Variants in AHCYL2 observed in about 807,000 individuals in gnomAD.
The protein encoded by AHCYL2 is S-adenosylhomocysteine hydrolase-like protein 2.
AHCYL2 carries 28 observed loss-of-function variants against 81.4 expected under a neutral mutation model. The ratio of observed to expected loss-of-function variants is 0.34; its 90% CI spans 0.25 to 0.47. The LOEUF is 0.47. Among genes scored for constraint, AHCYL2 ranks in the 20% least tolerant of loss-of-function variants. The pLI, the probability that AHCYL2 is intolerant of heterozygous loss-of-function variation, is 1.00. For missense variants in AHCYL2, 551 were observed against 785.1 expected (o/e 0.70, Z 3.56); for synonymous variants, 272 against 290.2 (o/e 0.94, Z 0.64).
chr7:129,397,448 G>A (rs1795799204), intron 5 of AHCYL2, 124 bp downstream of exon 5: 11 of 951,902 alleles, frequency 1.2e-5, no homozygotes, highest in Middle Eastern at 3.1e-4. Context: ...AATGGATCTC[G>A]ATTCTTCATG....
chr7:129,322,420 G>C (rs1041291479), intron 1 of AHCYL2, among the ~76,000 whole-genome samples: 4 of 152,078 alleles, frequency 2.6e-5, no homozygotes, highest in South Asian at 2.1e-4. Context: ...GATTACAGGC[G>C]CACTGCGCCC....
intron 1 of AHCYL2, among the ~76,000 whole-genome samples, chr7:129,231,173 G>C (rs2150675199): frequency 6.6e-6 from 1 of 152,100 alleles, no homozygotes; most frequent in African/African-American, 2.4e-5. Context: ...GCGGGAAGTG[G>C]AGGTTGCAGT....
chr7:129,397,835 C>G (rs1795818978), intron 5 of AHCYL2, among the ~76,000 whole-genome samples: 1 of 152,192 alleles, frequency 6.6e-6, no homozygotes, highest in Non-Finnish European at 1.5e-5. Context: ...AGCCTCTTGC[C>G]TTTACTCTTT....
intron 1 of AHCYL2, among the ~76,000 whole-genome samples, chr7:129,334,335 C>T (rs966097042): frequency 1.3e-5 from 2 of 152,028 alleles, no homozygotes; most frequent in Non-Finnish European, 2.9e-5. Flanking sequence ...TCTTTGCTGC[C>T]GTCTATGTAT....
In AHCYL2 at chr7:129,296,056, C is replaced by T. The variant is rs959699388; in HGVS notation, c.363+70617C>T. Among the ~76,000 whole-genome samples, 30 of 152,180 alleles carry T rather than the reference C, an allele frequency of 2.0e-4. 1 individual carries two copies. The highest frequency in any genetic ancestry group is 1.2e-4 in the Non-Finnish European group (8 of 68,024). ...AGTACTGTAGACAGCCACTTGCCTT[C>T]GCTGCTTCAATCCCCATTCCAGTAT... On this transcript the variant is annotated intron_variant, in intron 1 of 16. Coordinates refer to ENST00000325006, the MANE Select transcript of AHCYL2 (RefSeq NM_015328.4).
chr7:129,363,532 A>G (rs1160099262), intron 1 of AHCYL2, among the ~76,000 whole-genome samples: 1 of 152,178 alleles, frequency 6.6e-6, no homozygotes, highest in East Asian at 1.9e-4. Context: ...TTAGCCTGCC[A>G]AAGTGATATA....
intron 1 of AHCYL2, among the ~76,000 whole-genome samples, chr7:129,373,002 G>C (rs1210948996): frequency 6.6e-6 from 1 of 152,076 alleles, no homozygotes; most frequent in Non-Finnish European, 1.5e-5. Context: ...TTAGAGCAGT[G>C]GTTTCCAAAG....
intron 1 of AHCYL2, among the ~76,000 whole-genome samples, chr7:129,325,578 A>C (rs1292114596): frequency 6.6e-6 from 1 of 152,144 alleles, no homozygotes; most frequent in Non-Finnish European, 1.5e-5. Flanking sequence ...CATGAAATTT[A>C]GAAAACTTTC....
At chr7:129,268,641 T>C (rs763675829) in intron 1 of AHCYL2, among the ~76,000 whole-genome samples, 1 of 152,232 alleles carries the variant, frequency 6.6e-6, no homozygotes, top group Non-Finnish European at 1.5e-5. Context: ...CGTGAGCCAC[T>C]GCACCTGGCC....
intron 1 of AHCYL2, among the ~76,000 whole-genome samples, chr7:129,334,726 A>G (rs1322706247): frequency 6.6e-6 from 1 of 152,152 alleles, no homozygotes; most frequent in Non-Finnish European, 1.5e-5. Context: ...GGTAGAGACA[A>G]GCAGAATTGA....
chr7:129,400,454 G>A (rs1795978814), intron 6 of AHCYL2, 70 bp downstream of exon 6: 1 of 1,418,864 alleles, frequency 7.0e-7, no homozygotes, highest in Non-Finnish European at 9.8e-7. Flanking sequence ...TTATGGCCTA[G>A]GAGAGGGTTT....
chr7:129,385,323 G>A (rs1795151806), intron 2 of AHCYL2, among the ~76,000 whole-genome samples: 1 of 152,158 alleles, frequency 6.6e-6, no homozygotes, highest in South Asian at 2.1e-4. Context: ...GGCCCAAGAG[G>A]AATTGCCTGA....
chr7:129,401,348 C>A (rs376362171), intron 6 of AHCYL2, among the ~76,000 whole-genome samples: 7 of 141,078 alleles, frequency 5.0e-5, no homozygotes, highest in Non-Finnish European at 9.6e-5. Flanking sequence ...TGCCCCCCCC[C>A]AAAAAAGCTA....
chr7:129,285,696 CTTTT>C (rs71526096), intron 1 of AHCYL2, among the ~76,000 whole-genome samples: 49 of 100,534 alleles, frequency 4.9e-4, no homozygotes, highest in East Asian at 1.1e-3. Context: ...CTCTCTCTCT[CTTTT>C]TTTTTTTTTT....
Position 129,368,282 on chromosome 7 carries a change from T to C in AHCYL2, c.364-11356T>C. ...ATTTTGAAATCAGACACAGAAGGCT[T>C]TGAAGCCGGCCAGTAAGGGGTTGTC... On this transcript the variant is annotated intron_variant, in intron 1 of 16. Transcript: ENST00000325006. This position sits in a 1 kb window ranked among gnomAD's most constrained non-coding sequence, Gnocchi z 4.4. 2 of 1,418,324 alleles carry C rather than the reference T, an allele frequency of 1.4e-6. No homozygotes were observed. Among genetic ancestry groups the C allele is most frequent in the Non-Finnish European group, 1.8e-6 (2 of 1,087,748 alleles). The allele number at this position is 1,418,324 out of a possible 1,614,324, so 87.9% of individuals were successfully genotyped here.
At chr7:129,233,225 C>T (rs193171777) in intron 1 of AHCYL2, among the ~76,000 whole-genome samples, 2 of 152,246 alleles carry the variant, frequency 1.3e-5, no homozygotes, top group African/African-American at 4.8e-5. Flanking sequence ...CCCTCTCTCA[C>T]CCAGGCTGGA....
At chr7:129,244,651 T>C (rs1794984836) in intron 1 of AHCYL2, among the ~76,000 whole-genome samples, 1 of 152,158 alleles carries the variant, frequency 6.6e-6, no homozygotes, top group Non-Finnish European at 1.5e-5. Context: ...TTATGAGGAC[T>C]CCACCCTCAT....
chr7:129,402,461 G>A (rs1444903799), intron 6 of AHCYL2, among the ~76,000 whole-genome samples: 1 of 152,204 alleles, frequency 6.6e-6, no homozygotes, highest in Non-Finnish European at 1.5e-5. Context: ...GTGCATGTCA[G>A]CAGAGGGCAA....
chr7:129,286,525 C>T (rs188778857), intron 1 of AHCYL2, among the ~76,000 whole-genome samples: 8 of 152,218 alleles, frequency 5.3e-5, no homozygotes, highest in Admixed American at 3.3e-4. Flanking sequence ...CAGTGGCATG[C>T]GCTTAGCTCA....
Sources: gnomAD v4.1 joint callset for allele counts (sites outside exome capture counted in the v4.1 genomes callset) on GRCh38, gnomAD v4.1.1 for gene constraint, Gnocchi (gnomAD v3.1) non-coding constraint, MANE v1.5 for transcripts, NCBI Gene and HGNC (gene_info 2026-07-23, HGNC 2026-07-21) for gene names.